Variants in NRG3 observed in about 807,000 individuals in gnomAD.
NRG3 encodes the protein neuregulin 3.
NRG3 carries 31 observed loss-of-function variants against 66.9 expected under a neutral mutation model. The ratio of observed to expected loss-of-function variants is 0.46; its 90% CI spans 0.35 to 0.63. The LOEUF (loss-of-function observed/expected upper bound fraction) is 0.63. Ranked by LOEUF, NRG3 falls within the 20% of genes least tolerant of loss-of-function variation. The probability of loss-of-function intolerance (pLI) is 0.00; values close to 1 mark genes in which losing one functional copy is unlikely to be tolerated. For synonymous variants in NRG3, 393 were observed against 359.4 expected (o/e 1.09, Z -1.06); for missense variants, 910 against 878.9 (o/e 1.04, Z -0.45).
intron 1 of NRG3, among the ~76,000 whole-genome samples, chr10:82,081,657 G>A (rs900994723): frequency 6.6e-6 from 1 of 152,168 alleles, no homozygotes; most frequent in Non-Finnish European, 1.5e-5. Context: ...TTCTTTCTAA[G>A]AATGTCTCTA....
At position 82,969,105 on chromosome 10, in the gene NRG3, T is replaced by C. The variant is rs545285822; in HGVS notation, c.1285-4683T>C. Reference sequence around the variant, plus strand: ...GAGTTATGGGAGCTACAATTCAAGATGCAATTTGGGTGGGGACACAGCCAA... The same window carrying C: ...GAGTTATGGGAGCTACAATTCAAGACGCAATTTGGGTGGGGACACAGCCAA... On this transcript the variant is annotated intron_variant, in intron 6 of 8. Coordinates refer to ENST00000372141, the MANE Select transcript of NRG3 (RefSeq NM_001010848.4). Among the ~76,000 whole-genome samples the C allele has an allele frequency of 3.2e-4, 48 of 152,230 alleles. No homozygotes were observed. The South Asian group carries it at 9.9e-3, about 32-fold the overall frequency.
At chr10:82,470,272 G>A (rs1237210199) in intron 2 of NRG3, among the ~76,000 whole-genome samples, 3 of 152,168 alleles carry the variant, frequency 2.0e-5, no homozygotes, top group South Asian at 2.1e-4. Context: ...GGTAGAAATC[G>A]CTGAGGCCTT....
intron 2 of NRG3, among the ~76,000 whole-genome samples, chr10:82,449,538 A>G (rs1317759917): frequency 6.6e-6 from 1 of 152,178 alleles, no homozygotes; most frequent in East Asian, 1.9e-4. Context: ...CATAATCACA[A>G]TCAATAACAG....
At chr10:82,007,173 A>G (rs1398631391) in intron 1 of NRG3, among the ~76,000 whole-genome samples, 1 of 151,608 alleles carries the variant, frequency 6.6e-6, no homozygotes, top group Non-Finnish European at 1.5e-5. Flanking sequence ...TGCTATTATA[A>G]AAGTAACTCT....
At chr10:82,606,522 T>G (rs543563326) in intron 2 of NRG3, among the ~76,000 whole-genome samples, 18 of 152,320 alleles carry the variant, frequency 1.2e-4, no homozygotes, top group African/African-American at 4.3e-4. Context: ...AGATGACAAT[T>G]AGATCTAGTT....
intron 2 of NRG3, among the ~76,000 whole-genome samples, chr10:82,580,338 TC>T (rs565738960): frequency 8.6e-5 from 13 of 150,914 alleles, no homozygotes; most frequent in African/African-American, 1.5e-4. Flanking sequence ...ATATAATCAC[TC>T]CCCCCCCACA....
chr10:82,072,390 C>T (rs2064858455), intron 1 of NRG3, among the ~76,000 whole-genome samples: 2 of 152,162 alleles, frequency 1.3e-5, no homozygotes, highest in African/African-American at 4.8e-5. Context: ...CCATCTACTT[C>T]AGTAACCAGT....
At chr10:81,948,066 A>G (rs1849007737) in intron 1 of NRG3, among the ~76,000 whole-genome samples, 1 of 152,204 alleles carries the variant, frequency 6.6e-6, no homozygotes, top group Admixed American at 6.6e-5. Flanking sequence ...CATAGTGGCT[A>G]CAAAAGATCA....
chr10:82,786,111 A>G (rs2060351054), intron 3 of NRG3, among the ~76,000 whole-genome samples: 2 of 152,174 alleles, frequency 1.3e-5, no homozygotes, highest in South Asian at 4.1e-4. Flanking sequence ...AGGCCACTAC[A>G]TAAACTCCTT....
chr10:82,633,279 AT>A (rs2049970352), intron 2 of NRG3, among the ~76,000 whole-genome samples: 1 of 152,146 alleles, frequency 6.6e-6, no homozygotes, highest in East Asian at 1.9e-4. Flanking sequence ...GGAAAATAGA[AT>A]TTCCAAGACT....
intron 2 of NRG3, among the ~76,000 whole-genome samples, chr10:82,555,987 T>G (rs1031660035): frequency 2.0e-5 from 3 of 152,198 alleles, no homozygotes; most frequent in Admixed American, 2.0e-4. Context: ...CAACTTGGAT[T>G]TCTCTCAGAC....
At position 81,883,471 on chromosome 10, in the gene NRG3, T is replaced by C. The variant is rs377089591; in HGVS notation, c.823+7308T>C. Among the ~76,000 whole-genome samples the C allele has an allele frequency of 3.7e-4, 56 of 152,258 alleles. 1 individual carries two copies. Among genetic ancestry groups the C allele is most frequent in the Middle Eastern group, 3.4e-3 (1 of 294 alleles). The stretch of plus-strand genomic sequence containing the variant: ...CTACAAACTGAATTCAGAATTAAGT[T>C]TAATAATGGAAGTTTAGCAGCTTCC... On this transcript the variant is annotated intron_variant, in intron 1 of 8. Coordinates refer to ENST00000372141, the MANE Select transcript of NRG3 (RefSeq NM_001010848.4).
intron 1 of NRG3, among the ~76,000 whole-genome samples, chr10:82,249,145 G>C (rs1050622339): frequency 1.3e-5 from 2 of 152,054 alleles, no homozygotes; most frequent in African/African-American, 4.8e-5. Context: ...CCATATCTCT[G>C]TATTTGGTAT....
intron 3 of NRG3, among the ~76,000 whole-genome samples, chr10:82,789,028 A>G (rs2135354453): frequency 6.6e-6 from 1 of 152,124 alleles, no homozygotes; most frequent in South Asian, 2.1e-4. Context: ...TTGAATATAT[A>G]TACTCAAAAG....
intron 1 of NRG3, among the ~76,000 whole-genome samples, chr10:82,155,978 C>T (rs2071156616): frequency 1.3e-5 from 2 of 151,494 alleles, no homozygotes; most frequent in Non-Finnish European, 3.0e-5. Context: ...TGTAATTGTT[C>T]AATTTAAAAA....
intron 2 of NRG3, among the ~76,000 whole-genome samples, chr10:82,376,264 T>G (rs1380668306): frequency 6.6e-6 from 1 of 152,110 alleles, no homozygotes; most frequent in Non-Finnish European, 1.5e-5. Context: ...CCCGAACACA[T>G]GCAGAGCAAA....
chr10:82,092,704 G>A (rs952929355), intron 1 of NRG3, among the ~76,000 whole-genome samples: 10 of 152,174 alleles, frequency 6.6e-5, no homozygotes, highest in African/African-American at 2.4e-4. Flanking sequence ...CCTTGGAGAA[G>A]GAGATACTAT....
At chr10:82,239,487 G>A (rs979029527) in intron 1 of NRG3, among the ~76,000 whole-genome samples, 4 of 152,092 alleles carry the variant, frequency 2.6e-5, no homozygotes, top group African/African-American at 9.7e-5. Context: ...AGATTTTTCT[G>A]TGTCTTTACA....
chr10:82,417,222 A>G (rs1331385937), intron 2 of NRG3, among the ~76,000 whole-genome samples: 2 of 152,202 alleles, frequency 1.3e-5, no homozygotes, highest in Non-Finnish European at 2.9e-5. Flanking sequence ...AATATGAATA[A>G]AAGAGGCTGA....
Sources: allele counts gnomAD v4.1 joint callset (sites outside exome capture counted in the v4.1 genomes callset), GRCh38; gene constraint gnomAD v4.1.1; transcripts MANE v1.5; gene names NCBI Gene and HGNC (gene_info 2026-07-23, HGNC 2026-07-21).